SLC25A26: variants seen among roughly 807,000 people sequenced by gnomAD.
SLC25A26 encodes mitochondrial S-adenosylmethionine carrier protein.
In SLC25A26, 36 loss-of-function variants were observed where a neutral mutation model predicts 37.8. That is an observed-to-expected ratio of 0.95 (90% confidence interval 0.73 to 1.26). The LOEUF is 1.26. SLC25A26 is among the 50% of genes most tolerant of loss of function. The probability of loss-of-function intolerance (pLI) is 0.00; values close to 1 mark genes in which losing one functional copy is unlikely to be tolerated. For synonymous variants in SLC25A26, 129 were observed against 122.5 expected (o/e 1.05, Z -0.35); for missense variants, 390 against 331.1 (o/e 1.18, Z -1.38).
At chr3:66,215,368 T>TGA (rs1350833815) in intron 1 of SLC25A26, among the ~76,000 whole-genome samples, 14 of 152,148 alleles carry the variant, frequency 9.2e-5, no homozygotes, top group African/African-American at 3.4e-4. Flanking sequence ...GCATGACTAA[T>TGA]TATTTTATTT....
chr3:66,340,131 T>C (rs1399017858), intron 5 of SLC25A26, among the ~76,000 whole-genome samples: 1 of 152,134 alleles, frequency 6.6e-6, no homozygotes, highest in Non-Finnish European at 1.5e-5. Flanking sequence ...TGTTGAATGG[T>C]CTGGCACCCT....
chr3:66,328,846 A>G (rs1212044257), intron 5 of SLC25A26, among the ~76,000 whole-genome samples: 1 of 152,052 alleles, frequency 6.6e-6, no homozygotes, highest in African/African-American at 2.4e-5. Flanking sequence ...GAAATTTAAT[A>G]TTTCTTTATT....
rs541571301 is a variant in SLC25A26 at position 66,326,786 on chromosome 3, G to A, written c.454-19578G>A. Among the ~76,000 whole-genome samples the A allele has an allele frequency of 2.0e-5, 3 of 152,278 alleles. No homozygotes were observed. The South Asian group carries it at 6.2e-4, about 32-fold the overall frequency. ...ACAAGATCTTCAGAAGCCTCCAGCG[G>A]AAAAAGAATACCAAGAAAAAGGACA... is the stretch of plus-strand genomic sequence containing the variant. On this transcript the variant is annotated intron_variant, in intron 5 of 9. Coordinates refer to ENST00000354883, the MANE Select transcript of SLC25A26 (RefSeq NM_001379210.1).
chr3:66,261,995 T>C, intron 3 of SLC25A26, 56 bp from the exon 4 acceptor site: 1 of 1,102,408 alleles, frequency 9.1e-7, no homozygotes, highest in Non-Finnish European at 1.3e-6. Flanking sequence ...ACCAAAAAAT[T>C]TCAATTTTTA....
chr3:66,366,822 T>G (rs995713045), intron 7 of SLC25A26, among the ~76,000 whole-genome samples: 4 of 152,208 alleles, frequency 2.6e-5, no homozygotes, highest in Non-Finnish European at 5.9e-5. Context: ...AGCATTACTT[T>G]TGGAGTCATC....
chr3:66,359,977 T>C (rs1239269644), intron 6 of SLC25A26, among the ~76,000 whole-genome samples: 1 of 152,224 alleles, frequency 6.6e-6, no homozygotes, highest in Admixed American at 6.5e-5. Context: ...CACGTTAGTA[T>C]GGATAGAGGG....
At chr3:66,369,437 T>G (rs1353673758) in intron 7 of SLC25A26, 41 bp from the exon 8 acceptor site, 1 of 1,547,680 alleles carries the variant, frequency 6.5e-7, no homozygotes, top group Admixed American at 1.9e-5. Flanking sequence ...AATTATACAG[T>G]AAACAGGATC....
intron 1 of SLC25A26, among the ~76,000 whole-genome samples, chr3:66,165,939 C>A (rs1172030695): frequency 2.7e-5 from 4 of 148,992 alleles, no homozygotes; most frequent in African/African-American, 7.4e-5. Context: ...CTCCCCACCA[C>A]CCCCATCCCA....
chr3:66,238,023 A>G (rs1213980003), intron 2 of SLC25A26, among the ~76,000 whole-genome samples: 3 of 152,170 alleles, frequency 2.0e-5, no homozygotes, highest in African/African-American at 2.4e-5. Context: ...TGTTTTGGTC[A>G]TCTTTCGATT....
intron 1 of SLC25A26, among the ~76,000 whole-genome samples, chr3:66,189,575 C>A (rs2070896789): frequency 6.6e-6 from 1 of 152,176 alleles, no homozygotes; most frequent in Non-Finnish European, 1.5e-5. Context: ...ACTCTAGTTT[C>A]TTTTGGATTT....
intron 1 of SLC25A26, among the ~76,000 whole-genome samples, chr3:66,212,004 G>C (rs899350677): frequency 6.6e-6 from 1 of 152,160 alleles, no homozygotes; most frequent in Non-Finnish European, 1.5e-5. Context: ...TTCAGTTACC[G>C]AGTGAACCGA....
intron 1 of SLC25A26, among the ~76,000 whole-genome samples, chr3:66,197,081 A>T (rs2071054305): frequency 6.6e-6 from 1 of 152,062 alleles, no homozygotes; most frequent in Non-Finnish European, 1.5e-5. Context: ...TGCTGTCCTT[A>T]TGTTTATGTC....
At chr3:66,325,159 C>A (rs1020668668) in intron 5 of SLC25A26, among the ~76,000 whole-genome samples, 9 of 152,230 alleles carry the variant, frequency 5.9e-5, no homozygotes, top group African/African-American at 2.2e-4. Context: ...CCCTCAGAAG[C>A]CTTCATGCAG....
intron 5 of SLC25A26, among the ~76,000 whole-genome samples, chr3:66,310,826 C>G (rs1353016002): frequency 1.3e-5 from 2 of 152,160 alleles, no homozygotes; most frequent in African/African-American, 2.4e-5. Flanking sequence ...GGCCTTTACT[C>G]TCTTTTGGCT....
intron 5 of SLC25A26, among the ~76,000 whole-genome samples, chr3:66,285,800 T>A (rs1019296688): frequency 1.7e-4 from 26 of 152,048 alleles, no homozygotes; most frequent in African/African-American, 6.0e-4. Context: ...TTCTGGTGTT[T>A]CTGAGGCCTG....
Position 66,370,584 on chromosome 3 carries a change from G to A in SLC25A26, c.689G>A (p.Arg230Gln), listed in dbSNP as rs761078836. The change falls in exon 9 of 10, where the codon CGG becomes CAG. Residue 230 changes from arginine to glutamine, a missense_variant. By Grantham distance (43) the Arg-to-Gln change is conservative. Coordinates refer to ENST00000354883, the MANE Select transcript of SLC25A26 (RefSeq NM_001379210.1). Reference sequence around the variant, plus strand: ...CTCTCTGTCCTGCATGGGGTCTGGCGGTCACAGGGGCTGGCAGGGTAAGAC... The same window carrying A: ...CTCTCTGTCCTGCATGGGGTCTGGCAGTCACAGGGGCTGGCAGGGTAAGAC... ...NVLSVLHGVW[R>Q]SQGLAGLFAG... 6.2e-6 allele frequency: 10 copies of A among 1,613,590 alleles called. No homozygotes were observed. Among genetic ancestry groups the A allele is most frequent in the East Asian group, 4.5e-5 (2 of 44,894 alleles).
chr3:66,309,572 C>A (rs890730587), intron 5 of SLC25A26, among the ~76,000 whole-genome samples: 1 of 151,964 alleles, frequency 6.6e-6, no homozygotes, highest in African/African-American at 2.4e-5. Context: ...GCTCTTACTT[C>A]TCTAGTTCTT....
chr3:66,334,240 G>A (rs1407886150), intron 5 of SLC25A26, among the ~76,000 whole-genome samples: 7 of 152,160 alleles, frequency 4.6e-5, no homozygotes, highest in Non-Finnish European at 5.9e-5. Context: ...CCCATAGTCA[G>A]ACTTAATTTT....
At chr3:66,240,332 C>G (rs1216215977) in intron 2 of SLC25A26, among the ~76,000 whole-genome samples, 1 of 152,172 alleles carries the variant, frequency 6.6e-6, no homozygotes, top group African/African-American at 2.4e-5. Context: ...CTCCGTTGCC[C>G]AGACTGGAGT....
Sources: gnomAD v4.1 joint callset for allele counts (sites outside exome capture counted in the v4.1 genomes callset) on GRCh38, gnomAD v4.1.1 for gene constraint, MANE v1.5 for transcripts, NCBI Gene and HGNC (gene_info 2026-07-23, HGNC 2026-07-21) for gene names.